The following CADPS variants were observed in gnomAD, a reference collection of about 807,000 sequenced individuals.
The protein encoded by CADPS is calcium-dependent secretion activator 1.
A neutral mutation model predicts 167.3 loss-of-function variants in CADPS; 57 were observed. The ratio of observed to expected loss-of-function variants is 0.34; its 90% CI spans 0.28 to 0.42. The LOEUF (loss-of-function observed/expected upper bound fraction) is 0.42. Among genes scored for constraint, CADPS ranks in the 20% least tolerant of loss-of-function variants. The pLI is 1.00. For synonymous variants in CADPS, 676 were observed against 635.3 expected, an observed-to-expected ratio of 1.06 and a Z score of -0.96; for missense variants, 1,414 against 1,738.1, an observed-to-expected ratio of 0.81 and a Z score of 3.32.
intron 1 of CADPS, among the ~76,000 whole-genome samples, chr3:62,847,258 TTTC>T (rs1372434437): frequency 5.5e-5 from 6 of 109,566 alleles, no homozygotes; most frequent in African/African-American, 8.4e-5. Flanking sequence ...CCAGCAGCAT[TTTC>T]TTTTTTTTTT....
intron 6 of CADPS, among the ~76,000 whole-genome samples, chr3:62,623,819 T>G (rs1168111352): frequency 1.3e-5 from 2 of 152,072 alleles, no homozygotes; most frequent in African/African-American, 2.4e-5. Context: ...TCAATAAAAA[T>G]AAATTAAAAT....
At chr3:62,767,000 A>G (rs1040503286) in intron 1 of CADPS, among the ~76,000 whole-genome samples, 1 of 152,194 alleles carries the variant, frequency 6.6e-6, no homozygotes, top group Non-Finnish European at 1.5e-5. Context: ...GGCTGATTAC[A>G]TGAATGAATG....
At chr3:62,537,733 T>A (rs201687480) in intron 11 of CADPS, among the ~76,000 whole-genome samples, 1 of 145,920 alleles carries the variant, frequency 6.9e-6, no homozygotes, top group African/African-American at 2.5e-5. Context: ...CCCAGGCAGC[T>A]TTTTTTTTTT....
intron 4 of CADPS, 144 bp downstream of exon 4, chr3:62,662,170 C>T (rs1015454312): frequency 1.3e-5 from 9 of 709,966 alleles, no homozygotes; most frequent in African/African-American, 5.2e-5. Context: ...GAAAGGAGGG[C>T]TGAGGGCCCA....
At chr3:62,799,694 T>C (rs2093651115) in intron 1 of CADPS, among the ~76,000 whole-genome samples, 1 of 152,110 alleles carries the variant, frequency 6.6e-6, no homozygotes, top group African/African-American at 2.4e-5. Context: ...GTAGACAAAC[T>C]GTATAATTTG....
In CADPS at chr3:62,421,895, C is replaced by A. The variant is rs561434214; in HGVS notation, c.3777+16209G>T. Among the ~76,000 whole-genome samples, 1 of 152,170 alleles carries A rather than the reference C, an allele frequency of 6.6e-6. No individual in the cohort carries two copies. Among genetic ancestry groups the A allele is most frequent in the Non-Finnish European group, 1.5e-5 (1 of 68,028 alleles). On this transcript the variant is annotated intron_variant, in intron 28 of 29. Coordinates refer to ENST00000383710, the MANE Select transcript of CADPS (RefSeq NM_003716.4). The surrounding 1 kb of genome is among the most constrained non-coding windows in gnomAD (Gnocchi z 4.7). ...GCCGAGGGCAGAAAATAGTATTACG[C>A]CACGAATGTCTTGGATTAATTTTAT...
chr3:62,496,850 G>A (rs909215430), intron 18 of CADPS, among the ~76,000 whole-genome samples: 2 of 152,174 alleles, frequency 1.3e-5, no homozygotes, highest in East Asian at 1.9e-4. Context: ...GATGGAAGAC[G>A]CTCAATAGGT....
chr3:62,443,635 G>C (rs2056734570), intron 27 of CADPS, among the ~76,000 whole-genome samples: 3 of 152,182 alleles, frequency 2.0e-5, no homozygotes, highest in Admixed American at 6.5e-5. Context: ...TTTTACGGGG[G>C]CTTTTTTCCT....
intron 8 of CADPS, among the ~76,000 whole-genome samples, chr3:62,572,292 G>A (rs915715398): frequency 6.6e-6 from 1 of 152,114 alleles, no homozygotes; most frequent in African/African-American, 2.4e-5. Context: ...GCCAAGTGCA[G>A]TTGAGTTTTT....
At chr3:62,424,472 C>T (rs968115802) in intron 28 of CADPS, among the ~76,000 whole-genome samples, 2 of 152,102 alleles carry the variant, frequency 1.3e-5, no homozygotes, top group African/African-American at 2.4e-5. Context: ...CATGAGCCAC[C>T]GCGCCTGGCC....
chr3:62,575,060 T>C (rs2082017040), intron 8 of CADPS, among the ~76,000 whole-genome samples: 1 of 152,206 alleles, frequency 6.6e-6, no homozygotes, highest in Admixed American at 6.5e-5. Context: ...CCTCACACTT[T>C]TCTGGAATTA....
chr3:62,802,526 A>G (rs1230683107), intron 1 of CADPS, among the ~76,000 whole-genome samples: 1 of 152,176 alleles, frequency 6.6e-6, no homozygotes, highest in Non-Finnish European at 1.5e-5. Flanking sequence ...CTTCAAAGTG[A>G]TAGGCACCTA....
At position 62,602,028 on chromosome 3, in the gene CADPS, A is replaced by G. The variant is rs2060045494; in HGVS notation, c.1326-9280T>C. 1.3e-5 allele frequency among the ~76,000 whole-genome samples: 2 copies of G among 152,182 alleles called. No homozygotes were observed. The highest frequency in any genetic ancestry group is 4.1e-4 in the South Asian group (2 of 4,834). Reference sequence around the variant, plus strand: ...AGCCTCCTCAGACCATATGTTATCAACAAATGTTGCTAATCAAATACACAC... The same window carrying G: ...AGCCTCCTCAGACCATATGTTATCAGCAAATGTTGCTAATCAAATACACAC... On this transcript the variant is annotated intron_variant, in intron 6 of 29. Coordinates refer to ENST00000383710, the MANE Select transcript of CADPS (RefSeq NM_003716.4). This position sits in a 1 kb window ranked among gnomAD's most constrained non-coding sequence, Gnocchi z 4.4.
chr3:62,748,254 G>T (rs1459739718), intron 3 of CADPS, among the ~76,000 whole-genome samples: 3 of 145,646 alleles, frequency 2.1e-5, no homozygotes, highest in Non-Finnish European at 3.0e-5. Context: ...GCTGAGGCAG[G>T]AGAATGGCGT....
intron 3 of CADPS, among the ~76,000 whole-genome samples, chr3:62,744,643 G>A (rs970706337): frequency 6.6e-6 from 1 of 152,174 alleles, no homozygotes; most frequent in African/African-American, 2.4e-5. Flanking sequence ...TATTATTTTT[G>A]TATGTATCTT....
intron 17 of CADPS, among the ~76,000 whole-genome samples, chr3:62,512,207 C>T (rs180955697): frequency 6.2e-4 from 94 of 152,184 alleles, no homozygotes; most frequent in Non-Finnish European, 1.1e-3. Flanking sequence ...AGAAAATTTC[C>T]GAAGCCAGAA....
At chr3:62,847,591 C>T (rs2077732283) in intron 1 of CADPS, among the ~76,000 whole-genome samples, 1 of 27,336 alleles carries the variant, frequency 3.7e-5, no homozygotes, top group Admixed American at 4.3e-4. Context: ...ATCCATGTCC[C>T]TACAAAGGAC....
At chr3:62,418,512 G>C (rs1157576179) in intron 28 of CADPS, among the ~76,000 whole-genome samples, 2 of 88,800 alleles carry the variant, frequency 2.3e-5, no homozygotes, top group African/African-American at 9.3e-5. Context: ...TTTTTTTTTG[G>C]TATTTTTTTG....
chr3:62,641,038 G>T (rs2067305288), intron 6 of CADPS, among the ~76,000 whole-genome samples: 1 of 151,782 alleles, frequency 6.6e-6, no homozygotes, highest in Non-Finnish European at 1.5e-5. Flanking sequence ...TTGTATCCAG[G>T]TACCACCTGT....
Sources: allele counts gnomAD v4.1 joint callset (sites outside exome capture counted in the v4.1 genomes callset), GRCh38; gene constraint gnomAD v4.1.1; non-coding constraint Gnocchi (gnomAD v3.1); transcripts MANE v1.5; gene names NCBI Gene and HGNC (gene_info 2026-07-23, HGNC 2026-07-21).